The following ARMC2 variants were observed in gnomAD, a reference collection of about 807,000 sequenced individuals.
The protein encoded by ARMC2 is armadillo repeat-containing protein 2.
In ARMC2, 67 loss-of-function variants were observed where a neutral mutation model predicts 90.3. That is an observed-to-expected ratio of 0.74 (90% CI 0.61 to 0.91). The LOEUF is 0.91. Among genes scored for constraint, ARMC2 ranks in the 40% least tolerant of loss-of-function variants. The pLI, the probability that ARMC2 is intolerant of heterozygous loss-of-function variation, is 0.00. For synonymous variants in ARMC2, 393 were observed against 393.0 expected (o/e 1.00, Z 0.00); for missense variants, 920 against 1,030.9 (o/e 0.89, Z 1.47).
the ARMC2 span, among the ~76,000 whole-genome samples, chr6:109,018,959 T>C: frequency 6.6e-6 from 1 of 152,176 alleles, no homozygotes; most frequent in African/African-American, 2.4e-5. Flanking sequence ...TAAGAAAATA[T>C]AGAAATACTG....
At chr6:108,856,666 G>A (rs960638663) in intron 2 of ARMC2, 1 of 162,844 alleles carries the variant, frequency 6.1e-6, no homozygotes, top group Admixed American at 6.3e-5. Flanking sequence ...GGATGAGAGT[G>A]GTCTTCAGCA....
At chr6:109,015,482 TTAAA>T in the ARMC2 span, among the ~76,000 whole-genome samples, 2 of 152,298 alleles carry the variant, frequency 1.3e-5, no homozygotes, top group Admixed American at 6.5e-5. Flanking sequence ...AAGTTTGGCT[TTAAA>T]TAATCCTTAG....
rs1304702959 is a variant in ARMC2 at position 108,889,827 on chromosome 6, C to A, written c.672-4640C>A. On this transcript the variant is annotated intron_variant, in intron 5 of 17. Coordinates refer to ENST00000392644, the MANE Select transcript of ARMC2 (RefSeq NM_032131.6). ...ACTTCCTTCTTAGCACCCTCTAGTT[C>A]TTACAATCTGTTGAATTTCACATTC... Among the ~76,000 whole-genome samples, 4 of 151,942 alleles carry A rather than the reference C, an allele frequency of 2.6e-5. No homozygotes were observed. In the East Asian group the frequency reaches 7.7e-4, roughly 29 times the overall value.
chr6:108,930,327 A>G (rs1213617796), intron 11 of ARMC2, among the ~76,000 whole-genome samples: 3 of 152,076 alleles, frequency 2.0e-5, no homozygotes, highest in African/African-American at 7.2e-5. Context: ...TTTTCTATGC[A>G]TATTATCTAC....
chr6:108,930,343 A>AT (rs979816713), intron 11 of ARMC2, among the ~76,000 whole-genome samples: 4 of 150,782 alleles, frequency 2.7e-5, no homozygotes, highest in African/African-American at 7.3e-5. Flanking sequence ...TCTACATATA[A>AT]TTTTTTTTTC....
At chr6:108,989,564 G>T in the ARMC2 span, among the ~76,000 whole-genome samples, 2 of 104,148 alleles carry the variant, frequency 1.9e-5, no homozygotes, top group Admixed American at 8.4e-5. Context: ...TAGATCTCTA[G>T]ATCTAGAGAT....
At chr6:108,914,684 C>CT (rs1025335907) in intron 10 of ARMC2, among the ~76,000 whole-genome samples, 3 of 152,200 alleles carry the variant, frequency 2.0e-5, no homozygotes, top group Non-Finnish European at 2.9e-5. Context: ...TTGTTTTAGT[C>CT]TTTGTCATTT....
At chr6:108,959,673 T>A (rs1327639202) in intron 13 of ARMC2, among the ~76,000 whole-genome samples, 1 of 151,820 alleles carries the variant, frequency 6.6e-6, no homozygotes, top group East Asian at 1.9e-4. Flanking sequence ...CTTTTTTATT[T>A]ATTTATTTAT....
chr6:108,887,208 G>T (rs1316661955), intron 5 of ARMC2, among the ~76,000 whole-genome samples: 1 of 152,024 alleles, frequency 6.6e-6, no homozygotes, highest in Non-Finnish European at 1.5e-5. Context: ...CACCATGCCT[G>T]GCTAATTTTA....
intron 4 of ARMC2, among the ~76,000 whole-genome samples, chr6:108,875,365 C>T (rs926384301): frequency 6.6e-6 from 1 of 152,080 alleles, no homozygotes; most frequent in Non-Finnish European, 1.5e-5. Context: ...CCTCTAATCA[C>T]CTCTCCTCCT....
the ARMC2 span, chr6:109,008,831 G>A: frequency 9.1e-6 from 9 of 985,552 alleles, no homozygotes; most frequent in South Asian, 4.2e-4. Flanking sequence ...GAGCTTGCAG[G>A]ACACACTTAT....
In ARMC2 at chr6:108,882,166, G is replaced by T. The variant is rs533635015; in HGVS notation, c.671+5816G>T. Among the ~76,000 whole-genome samples the T allele has an allele frequency of 2.0e-5, 3 of 152,096 alleles. No homozygotes were observed. In the East Asian group the frequency reaches 5.8e-4, roughly 29 times the overall value. Reference sequence around the variant, plus strand: ...AAAAAAAAGAAAGGGTTCAGGCATGGTGGCTCACGCCTGTAATCCCAACAC... The same window carrying T: ...AAAAAAAAGAAAGGGTTCAGGCATGTTGGCTCACGCCTGTAATCCCAACAC... On this transcript the variant is annotated intron_variant, in intron 5 of 17. Transcript: ENST00000392644.
Position 108,958,236 on chromosome 6 carries a change from C to T in ARMC2, c.1916-3336C>T, listed in dbSNP as rs976879021. Among the ~76,000 whole-genome samples the T allele has an allele frequency of 2.6e-5, 4 of 152,022 alleles. No individual in the cohort carries two copies. The East Asian group carries it at 5.8e-4, about 22-fold the overall frequency. On this transcript the variant is annotated intron_variant, in intron 13 of 17. Transcript: ENST00000392644. ...TCCCTGATCTTGGACTTCCAGCCTCCGTAACTGTGAGAAAATAAATTCCTG... is the reference window on the plus strand; with the variant it reads ...TCCCTGATCTTGGACTTCCAGCCTCTGTAACTGTGAGAAAATAAATTCCTG...
intron 5 of ARMC2, among the ~76,000 whole-genome samples, chr6:108,888,569 G>C (rs531889473): frequency 6.6e-6 from 1 of 152,340 alleles, no homozygotes; most frequent in East Asian, 1.9e-4. Context: ...AGAATTTACA[G>C]AGAAACAGAT....
At chr6:108,959,761 C>T (rs1033976065) in intron 13 of ARMC2, among the ~76,000 whole-genome samples, 1 of 152,108 alleles carries the variant, frequency 6.6e-6, no homozygotes, top group Non-Finnish European at 1.5e-5. Flanking sequence ...TCTTGGCTCA[C>T]TGCAACCTCT....
At chr6:108,910,149 A>G (rs999519175) in intron 8 of ARMC2, among the ~76,000 whole-genome samples, 1 of 152,168 alleles carries the variant, frequency 6.6e-6, no homozygotes, top group African/African-American at 2.4e-5. Context: ...CTCCTTTAAA[A>G]GTAACTAATA....
At chr6:109,028,822 T>C in the ARMC2 span, among the ~76,000 whole-genome samples, 1 of 152,128 alleles carries the variant, frequency 6.6e-6, no homozygotes, top group Non-Finnish European at 1.5e-5. Context: ...GAGAGCCTCC[T>C]AGTATCAGAA....
chr6:108,879,592 G>GTCCATCCA (rs539899853), intron 5 of ARMC2, among the ~76,000 whole-genome samples: 15 of 113,410 alleles, frequency 1.3e-4, no homozygotes, highest in Admixed American at 2.4e-4. Flanking sequence ...CCACCTGTTC[G>GTCCATCCA]TCCATCCATC....
At chr6:108,868,021 C>T (rs1402316347) in intron 3 of ARMC2, among the ~76,000 whole-genome samples, 2 of 151,802 alleles carry the variant, frequency 1.3e-5, no homozygotes, top group South Asian at 4.2e-4. Context: ...ATGACTTTTC[C>T]ACCTAACTTA....
Sources: allele counts gnomAD v4.1 joint callset (sites outside exome capture counted in the v4.1 genomes callset), GRCh38; gene constraint gnomAD v4.1.1; transcripts MANE v1.5; gene names NCBI Gene and HGNC (gene_info 2026-07-23, HGNC 2026-07-21).